The following U2AF2 variants were observed in gnomAD, a reference collection of about 807,000 sequenced individuals.
The protein encoded by U2AF2 is U2 small nuclear RNA auxiliary factor 2.
Under a neutral mutation model 52.6 loss-of-function variants are expected in U2AF2, and 6 were observed. That is an observed-to-expected ratio of 0.11 (90% confidence interval 0.06 to 0.23). U2AF2 has a LOEUF of 0.23. Among genes scored for constraint, U2AF2 ranks in the 10% least tolerant of loss-of-function variants. The pLI, the probability that U2AF2 is intolerant of heterozygous loss-of-function variation, is 1.00. For missense variants in U2AF2, 222 were observed against 677.1 expected (o/e 0.33, Z 7.46); for synonymous variants, 284 against 258.2 (o/e 1.10, Z -0.96).
chr19:55,660,328 A>C lies in U2AF2; in HGVS notation c.230+107A>C, dbSNP rs917223276. 34 of 1,340,042 alleles carry C rather than the reference A, an allele frequency of 2.5e-5. No individual in the cohort carries two copies. In the African/African-American group the frequency reaches 4.4e-4, roughly 17 times the overall value. 83.0% of individuals were successfully genotyped at this position (1,340,042 alleles called of 1,614,324 possible). On this transcript the variant is annotated intron_variant, in intron 3 of 11. Coordinates refer to ENST00000308924, the MANE Select transcript of U2AF2 (RefSeq NM_007279.3). ...TTCCAGCCCTGGCCCAAGCACTGGGAAGAGTCCACTTACCTTGAAACCAGC... is the reference window on the plus strand; with the variant it reads ...TTCCAGCCCTGGCCCAAGCACTGGGCAGAGTCCACTTACCTTGAAACCAGC...
chr19:55,660,369 C>G (rs371530882), intron 3 of U2AF2, 147 bp from the exon 4 acceptor site: 2 of 1,104,642 alleles, frequency 1.8e-6, no homozygotes, highest in South Asian at 3.0e-5. Context: ...TTTCCCAGGC[C>G]CTGCCCCAGA....
At position 55,669,136 on chromosome 19, in the gene U2AF2, G is replaced by A; in HGVS notation, c.999G>A (p.Gln333=). 1 of 1,614,000 alleles carries A rather than the reference G, an allele frequency of 6.2e-7. No homozygotes were observed. Among genetic ancestry groups the A allele is most frequent in the Non-Finnish European group, 8.5e-7 (1 of 1,179,972 alleles). ...MQLGDKKLLV[Q]RASVGAKNAT... ...TGGGGGATAAGAAGCTGCTGGTCCA[G>A]AGGGCGAGTGTGGGAGCCAAGAATG... Residue 333 remains glutamine, a synonymous_variant, in exon 10 of 12, where the codon CAG becomes CAA. Transcript: ENST00000308924.
chr19:55,673,583 C>G (rs1168032534), intron 11 of U2AF2, among the ~76,000 whole-genome samples: 1 of 152,144 alleles, frequency 6.6e-6, no homozygotes, highest in East Asian at 1.9e-4. Context: ...GTTCTGGGAG[C>G]GCCCACCATG....
Position 55,668,002 on chromosome 19 carries a change from C to T in U2AF2, c.743-505C>T, listed in dbSNP as rs1419277057. 1.3e-5 allele frequency among the ~76,000 whole-genome samples: 2 copies of T among 152,116 alleles called. No individual in the cohort carries two copies. Among genetic ancestry groups the T allele is most frequent in the East Asian group, 3.9e-4 (2 of 5,184 alleles). On this transcript the variant is annotated intron_variant, in intron 7 of 11. Coordinates refer to ENST00000308924, the MANE Select transcript of U2AF2 (RefSeq NM_007279.3). The surrounding 1 kb of genome is among the most constrained non-coding windows in gnomAD (Gnocchi z 5.5). ...GTTTCACCATGTTGGACAGGATGGT[C>T]TTATCTCTTGACCTTGTGATCTGCC...
At chr19:55,669,793 T>C in intron 11 of U2AF2, 101 bp downstream of exon 11, 2 of 1,439,734 alleles carry the variant, frequency 1.4e-6, no homozygotes, top group Non-Finnish European at 1.8e-6. Flanking sequence ...CCCCCTCCTC[T>C]TCTCCGCGCG....
At chr19:55,670,611 G>A in intron 11 of U2AF2, 1 of 270,158 alleles carries the variant, frequency 3.7e-6, no homozygotes, top group South Asian at 3.4e-5. Flanking sequence ...ATTCCTGGGT[G>A]TACTGTTCGT....
In U2AF2 at chr19:55,674,442, T is replaced by G; in HGVS notation, c.*374T>G. On this transcript the variant is annotated 3_prime_UTR_variant, in exon 12 of 12. Transcript: ENST00000308924. ...TCTCCCCTTCCCCACGGTAGGAACATAGCGTGTTTATATTTTATGGCCAAA... is the reference window on the plus strand; with the variant it reads ...TCTCCCCTTCCCCACGGTAGGAACAGAGCGTGTTTATATTTTATGGCCAAA... 5.2e-6 allele frequency: 1 copy of G among 192,580 alleles called. No individual in the cohort carries two copies. The highest frequency in any genetic ancestry group is 1.1e-5 in the Non-Finnish European group (1 of 90,742). 11.9% of individuals were successfully genotyped at this position (192,580 alleles called of 1,614,324 possible). A position where few individuals can be genotyped will look rare whatever the true frequency, so the allele number is the denominator to read the frequency against.
At chr19:55,655,269 A>T in intron 1 of U2AF2, 116 bp downstream of exon 1, 2 of 1,109,868 alleles carry the variant, frequency 1.8e-6, no homozygotes, top group South Asian at 1.5e-5. Context: ...GCGCCCCCCA[A>T]CCCTGGTTCC....
intron 5 of U2AF2, chr19:55,662,204 A>C: frequency 3.4e-6 from 1 of 292,076 alleles, no homozygotes. Flanking sequence ...TTTCTTGAAC[A>C]ATCTTCTCCT....
intron 11 of U2AF2, among the ~76,000 whole-genome samples, chr19:55,672,964 A>T (rs1177048898): frequency 6.6e-5 from 9 of 135,588 alleles, no homozygotes; most frequent in African/African-American, 2.5e-4. Context: ...TTTTTTTGAG[A>T]CGGAGCCTCA....
chr19:55,668,699 C>A lies in U2AF2; in HGVS notation c.852C>A (p.Pro284=), dbSNP rs1158000656. ...QVKELLTSFG[P]LKAFNLVKDS... is the part of the protein sequence containing the mutation. ...AAGAGCTGCTGACATCCTTTGGGCC[C>A]CTCAAGGCCTTCAACCTGGTCAAGG... Residue 284 remains proline (P), a synonymous_variant, in exon 9 of 12, where the codon CCC becomes CCA. Transcript: ENST00000308924. This position sits in a 1 kb window ranked among gnomAD's most constrained non-coding sequence, Gnocchi z 5.5. 1.2e-6 allele frequency: 2 copies of A among 1,613,498 alleles called. No homozygotes were observed. The highest frequency in any genetic ancestry group is 1.7e-6 in the Non-Finnish European group (2 of 1,179,638).
chr19:55,669,354 C>G (rs1984737115), intron 10 of U2AF2, 90 bp from the exon 11 acceptor site: 1 of 1,543,764 alleles, frequency 6.5e-7, no homozygotes, highest in Non-Finnish European at 8.7e-7. Context: ...TGGCCTTTCC[C>G]CTGGGGGGGC....
chr19:55,668,600 C>T lies in U2AF2; in HGVS notation c.822+14C>T. 6.2e-7 allele frequency: 1 copy of T among 1,604,666 alleles called. No homozygotes were observed. The highest frequency in any genetic ancestry group is 8.5e-7 in the Non-Finnish European group (1 of 1,174,320). On this transcript the variant is annotated intron_variant, in intron 8 of 11. Transcript: ENST00000308924. This position sits in a 1 kb window ranked among gnomAD's most constrained non-coding sequence, Gnocchi z 5.5. ...AACGATGACCAGGTAACTTCCCTGC[C>T]TCCCTCCAGACCCGTCCCCCCACCC...
At chr19:55,661,428 G>A (rs1269594171) in intron 5 of U2AF2, 3 of 473,022 alleles carry the variant, frequency 6.3e-6, no homozygotes, top group Non-Finnish European at 1.1e-5. Flanking sequence ...AGCAACCCAG[G>A]GATCAAGCAC....
chr19:55,657,041 G>T (rs900128794), intron 1 of U2AF2, among the ~76,000 whole-genome samples: 6 of 152,246 alleles, frequency 3.9e-5, no homozygotes, highest in African/African-American at 1.4e-4. Flanking sequence ...TTCATAAGCA[G>T]AAAAGCAGGT....
At chr19:55,656,385 C>G (rs922884341) in intron 1 of U2AF2, among the ~76,000 whole-genome samples, 2 of 152,204 alleles carry the variant, frequency 1.3e-5, no homozygotes, top group African/African-American at 4.8e-5. Flanking sequence ...GAGGGTCTGA[C>G]TCTGTCTTAG....
chr19:55,658,380 G>T (rs541592240), intron 1 of U2AF2, among the ~76,000 whole-genome samples: 1 of 151,596 alleles, frequency 6.6e-6, no homozygotes, highest in African/African-American at 2.4e-5. Context: ...GAGAGCAGAG[G>T]TTTCTGTGGT....
At chr19:55,656,732 C>T (rs1983820635) in intron 1 of U2AF2, among the ~76,000 whole-genome samples, 1 of 152,208 alleles carries the variant, frequency 6.6e-6, no homozygotes, top group Admixed American at 6.5e-5. Flanking sequence ...TAAAAACTTT[C>T]TCAGGGCTCA....
intron 11 of U2AF2, among the ~76,000 whole-genome samples, chr19:55,673,208 T>C (rs1250089725): frequency 6.6e-6 from 1 of 152,186 alleles, no homozygotes; most frequent in Non-Finnish European, 1.5e-5. Context: ...CGTGAGCCAC[T>C]GTGCCCAGCC....
Sources: allele counts gnomAD v4.1 joint callset (sites outside exome capture counted in the v4.1 genomes callset), GRCh38; gene constraint gnomAD v4.1.1; non-coding constraint Gnocchi (gnomAD v3.1); transcripts MANE v1.5; gene names NCBI Gene and HGNC (gene_info 2026-07-23, HGNC 2026-07-21).